Variants in N4BP2 observed in about 807,000 individuals in gnomAD.
N4BP2 encodes NEDD4-binding protein 2.
Under a neutral mutation model 152.8 loss-of-function variants are expected in N4BP2, and 91 were observed. That is an observed-to-expected ratio of 0.60 (90% CI 0.50 to 0.71). The LOEUF (loss-of-function observed/expected upper bound fraction) is 0.71, where lower values mean the gene tolerates loss of function less well. Ranked by LOEUF, N4BP2 falls within the 30% of genes least tolerant of loss-of-function variation. The pLI is 0.00. For synonymous variants in N4BP2, 646 were observed against 705.3 expected (o/e 0.92, Z 1.33); for missense variants, 1,923 against 2,059.1 (o/e 0.93, Z 1.28).
Position 40,154,301 on chromosome 4 carries a change from A to G in N4BP2, c.*64A>G. On this transcript the variant is annotated 3_prime_UTR_variant, in exon 18 of 18. Coordinates refer to ENST00000261435, the MANE Select transcript of N4BP2 (RefSeq NM_018177.6). The stretch of plus-strand genomic sequence containing the variant: ...GTTAAAATTACTTTTATTTGCAGTA[A>G]TTCAGTCAATTCTACCCTAAAGATG... 1 of 973,722 alleles carries G rather than the reference A, an allele frequency of 1.0e-6. No homozygotes were observed. Among genetic ancestry groups the G allele is most frequent in the South Asian group, 1.4e-5 (1 of 69,164 alleles). 60.3% of individuals were successfully genotyped at this position (973,722 alleles called of 1,614,324 possible).
At chr4:40,161,736 T>C (rs923378345), downstream of N4BP2, among the ~76,000 whole-genome samples, 1 of 152,188 alleles carries the variant, frequency 6.6e-6, no homozygotes, top group Non-Finnish European at 1.5e-5. Flanking sequence ...ATGGGAAAGA[T>C]AGATGTTTAT....
intron 15 of N4BP2, among the ~76,000 whole-genome samples, 168 bp downstream of exon 15, chr4:40,143,029 T>C (rs1049453817): frequency 6.6e-6 from 1 of 152,220 alleles, no homozygotes; most frequent in Admixed American, 6.5e-5. Context: ...TCTGAGAATT[T>C]CATCTCCTGC....
chr4:40,088,627 A>G (rs975986673), intron 2 of N4BP2, among the ~76,000 whole-genome samples: 1 of 151,666 alleles, frequency 6.6e-6, no homozygotes, highest in African/African-American at 2.4e-5. Flanking sequence ...CAGCCTCCCG[A>G]GTAGCTGGGA....
intron 14 of N4BP2, among the ~76,000 whole-genome samples, chr4:40,140,664 A>G (rs556294519): frequency 2.6e-5 from 4 of 151,736 alleles, no homozygotes; most frequent in South Asian, 2.1e-4. Context: ...TCACAGGACA[A>G]TAGTGGAGGG....
At chr4:40,063,665 C>T (rs1043578312) in intron 1 of N4BP2, among the ~76,000 whole-genome samples, 4 of 151,782 alleles carry the variant, frequency 2.6e-5, no homozygotes, top group African/African-American at 9.7e-5. Flanking sequence ...TTTTTTGAGA[C>T]GGAGTTTTGC....
intron 13 of N4BP2, among the ~76,000 whole-genome samples, chr4:40,134,298 C>T (rs1291224385): frequency 1.3e-5 from 2 of 152,130 alleles, no homozygotes; most frequent in African/African-American, 4.8e-5. Context: ...TAGCATATGG[C>T]CACTCCTGTT....
At chr4:40,116,026 C>A (rs1344988500) in intron 7 of N4BP2, among the ~76,000 whole-genome samples, 1 of 151,894 alleles carries the variant, frequency 6.6e-6, no homozygotes, top group East Asian at 1.9e-4. Context: ...ATTAATTGAA[C>A]CTTTTATTAT....
chr4:40,189,192 C>T, the N4BP2 span, among the ~76,000 whole-genome samples: 3 of 126,202 alleles, frequency 2.4e-5, no homozygotes, highest in Non-Finnish European at 5.1e-5. This position sits in a 1 kb window ranked among gnomAD's most constrained non-coding sequence, Gnocchi z 4.3. Flanking sequence ...AAACAAAACA[C>T]CATCAAGGGA....
chr4:40,070,540 C>G (rs1022394522), intron 1 of N4BP2, among the ~76,000 whole-genome samples: 7 of 152,080 alleles, frequency 4.6e-5, no homozygotes, highest in African/African-American at 1.7e-4. Context: ...CCTTGACCTC[C>G]CAGGCTCAAG....
rs375343163 is a variant in N4BP2, at chr4:40,106,913, G to A, written c.1387G>A (p.Asp463Asn). The change falls in exon 5 of 18, where the codon GAT becomes AAT. Residue 463 changes from aspartate to asparagine, a missense_variant. Physicochemically the swap from Asp to Asn is conservative, Grantham distance 23. Transcript: ENST00000261435. ...TATCTTTCACAGGACTTTGCAAGAG[G>A]ATAATCCAAGTGGAGTCATTCTTAG... ...KSFLARTLQE[D>N]NPSGVILSTD... The A allele has an allele frequency of 3.0e-5, 48 of 1,608,860 alleles. No homozygotes were observed. Among genetic ancestry groups the A allele is most frequent in the Non-Finnish European group, 4.0e-5 (47 of 1,176,750 alleles).
chr4:40,123,048 A>G, intron 9 of N4BP2, 79 bp from the exon 10 acceptor site: 1 of 821,330 alleles, frequency 1.2e-6, no homozygotes, highest in South Asian at 1.6e-5. Context: ...TTTGTGATGC[A>G]TAAGGTGGTT....
intron 2 of N4BP2, among the ~76,000 whole-genome samples, chr4:40,092,788 C>T (rs1211942837): frequency 6.6e-6 from 1 of 151,720 alleles, no homozygotes; most frequent in Non-Finnish European, 1.5e-5. Flanking sequence ...GGACTACTGG[C>T]GTGCACCACC....
At chr4:40,060,665 T>G (rs1186627675) in intron 1 of N4BP2, among the ~76,000 whole-genome samples, 1 of 151,360 alleles carries the variant, frequency 6.6e-6, no homozygotes, top group Non-Finnish European at 1.5e-5. Context: ...TGCAGTGGCA[T>G]GATTATAGCT....
chr4:40,123,416 G>GT (rs1476899489), intron 10 of N4BP2, among the ~76,000 whole-genome samples: 5 of 152,066 alleles, frequency 3.3e-5, no homozygotes, highest in Non-Finnish European at 5.9e-5. Flanking sequence ...CTTTTCAGTA[G>GT]TTTAAGTATT....
intron 4 of N4BP2, among the ~76,000 whole-genome samples, chr4:40,103,501 TTGAG>T (rs1715909272): frequency 6.6e-6 from 1 of 152,158 alleles, no homozygotes; most frequent in South Asian, 2.1e-4. Flanking sequence ...GAGAGCTAAT[TTGAG>T]TGGGAGAAAG....
chr4:40,147,752 G>C (rs1034873827), intron 16 of N4BP2, among the ~76,000 whole-genome samples: 2 of 151,898 alleles, frequency 1.3e-5, no homozygotes, highest in Non-Finnish European at 2.9e-5. Flanking sequence ...GCCGGGCGGA[G>C]GGGCTTCTCA....
chr4:40,165,781 A>G, the N4BP2 span, among the ~76,000 whole-genome samples: 2 of 152,188 alleles, frequency 1.3e-5, no homozygotes, highest in Non-Finnish European at 2.9e-5. Context: ...AGTATTCCTC[A>G]AAGAACTTAT....
chr4:40,097,647 A>G (rs1388247203), intron 3 of N4BP2, 78 bp downstream of exon 3: 1 of 800,916 alleles, frequency 1.2e-6, no homozygotes, highest in East Asian at 2.6e-5. Flanking sequence ...ATAGTAATAT[A>G]GAAAAATGTC....
At chr4:40,183,387 G>C in the N4BP2 span, among the ~76,000 whole-genome samples, 5 of 150,200 alleles carry the variant, frequency 3.3e-5, no homozygotes, top group Non-Finnish European at 7.4e-5. Flanking sequence ...CCAGGCTGGA[G>C]TGCAGTGGCG....
Sources: allele counts gnomAD v4.1 joint callset (sites outside exome capture counted in the v4.1 genomes callset), GRCh38; gene constraint gnomAD v4.1.1; non-coding constraint Gnocchi (gnomAD v3.1); transcripts MANE v1.5; gene names NCBI Gene and HGNC (gene_info 2026-07-23, HGNC 2026-07-21).